The following CD74 variants were observed in gnomAD, a reference collection of about 807,000 sequenced individuals.
CD74 encodes HLA class II histocompatibility antigen gamma chain.
Under a neutral mutation model 37.1 loss-of-function variants are expected in CD74, and 20 were observed. That is an observed-to-expected ratio of 0.54 (90% CI 0.38 to 0.78). The LOEUF (loss-of-function observed/expected upper bound fraction) is 0.78, where lower values mean the gene tolerates loss of function less well. CD74 is among the 30% of genes least tolerant of loss of function. CD74 has a pLI of 0.00. For synonymous variants in CD74, 150 were observed against 152.0 expected (o/e 0.99, Z 0.10); for missense variants, 338 against 389.5 (o/e 0.87, Z 1.11).
At chr5:150,406,361 CTGGAGCAGGGGGTA>C (rs1561552819) in intron 3 of CD74, 40 bp from the exon 4 acceptor site, 1 of 1,539,356 alleles carries the variant, frequency 6.5e-7, no homozygotes, top group African/African-American at 1.4e-5. Flanking sequence ...GAGCTGGTCC[CTGGAGCAGGGGGTA>C]TGGAGCAGGA....
rs1377931685 is a variant in CD74, at chr5:150,406,301, C to T, written c.399G>A (p.Lys133=). Residue 133 remains lysine, a synonymous_variant, in exon 4 of 9, where the codon AAG becomes AAA. Coordinates refer to ENST00000009530, the MANE Select transcript of CD74 (RefSeq NM_001025159.3). ...LPQGPMQNAT[K]YGNMTEDHVM... is the part of the protein sequence containing the mutation. ...CATGGTCCTCTGTCATGTTGCCATA[C>T]TTGGTGGCATTCTGCATGGGCTGTG... 4 of 1,613,692 alleles carry T rather than the reference C, an allele frequency of 2.5e-6. No individual in the cohort carries two copies. The highest frequency in any genetic ancestry group is 1.7e-5 in the Admixed American group (1 of 59,992).
chr5:150,412,501 T>C, intron 1 of CD74, 124 bp downstream of exon 1: 1 of 736,664 alleles, frequency 1.4e-6, no homozygotes. Context: ...ACCCAAAAAG[T>C]CAATGTTAGA....
At position 150,405,077 on chromosome 5, in the gene CD74, C is replaced by G. The variant is rs1232751295; in HGVS notation, c.537+8G>C. The G allele has an allele frequency of 6.2e-7, 1 of 1,612,096 alleles. No individual in the cohort carries two copies. The highest frequency in any genetic ancestry group is 1.1e-5 in the South Asian group (1 of 90,964). ...AGAGAGAGTTCCCATGCAGGGAAACCTGCTGACCTTCCAGTCTATGGTCTC... is the reference window on the plus strand; with the variant it reads ...AGAGAGAGTTCCCATGCAGGGAAACGTGCTGACCTTCCAGTCTATGGTCTC... On this transcript the variant is annotated splice_region_variant and intron_variant, in intron 5 of 8. Transcript: ENST00000009530.
At chr5:150,406,453 A>G in intron 3 of CD74, 132 bp from the exon 4 acceptor site, 1 of 726,788 alleles carries the variant, frequency 1.4e-6, no homozygotes, top group Non-Finnish European at 2.5e-6. Flanking sequence ...CATCTCTGCC[A>G]CCTCCAAACA....
Position 150,402,721 on chromosome 5 carries a change from G to A in CD74, c.818-96C>T. On this transcript the variant is annotated intron_variant, in intron 7 of 8. Coordinates refer to ENST00000009530, the MANE Select transcript of CD74 (RefSeq NM_001025159.3). The surrounding 1 kb of genome is among the most constrained non-coding windows in gnomAD (Gnocchi z 4.2). ...TGCTTCCCACCTAGCCACAGGCTTA[G>A]TGCCTGGGAAAGCAGGTACCCAGGG... 9.4e-7 allele frequency: 1 copy of A among 1,066,044 alleles called. No homozygotes were observed. The highest frequency in any genetic ancestry group is 1.5e-5 in the South Asian group (1 of 66,622). The allele number at this position is 1,066,044 out of a possible 1,614,324, so 66.0% of individuals were successfully genotyped here.
chr5:150,405,348 G>C, intron 4 of CD74, 168 bp from the exon 5 acceptor site: 2 of 1,341,582 alleles, frequency 1.5e-6, no homozygotes, highest in Admixed American at 7.4e-5. Flanking sequence ...GGAGGGTACG[G>C]GTAAGGGTAG....
In CD74 at chr5:150,403,411, T is replaced by C. The variant is rs1769761728; in HGVS notation, c.626-99A>G. On this transcript the variant is annotated intron_variant, in intron 6 of 8. Coordinates refer to ENST00000009530, the MANE Select transcript of CD74 (RefSeq NM_001025159.3). This position sits in a 1 kb window ranked among gnomAD's most constrained non-coding sequence, Gnocchi z 4.5. The stretch of plus-strand genomic sequence containing the variant: ...CCACACACCACTGCTGTGGGCTTAA[T>C]GCCTTCTTCCCAAGTGGCTTTACTC... 9.3e-7 allele frequency: 1 copy of C among 1,072,806 alleles called. No homozygotes were observed. Among genetic ancestry groups the C allele is most frequent in the Non-Finnish European group, 1.4e-6 (1 of 706,406 alleles). 66.5% of individuals were successfully genotyped at this position (1,072,806 alleles called of 1,614,324 possible). A position where few individuals can be genotyped will look rare whatever the true frequency, so the allele number is the denominator to read the frequency against.
At chr5:150,409,816 C>T (rs1242589530) in intron 1 of CD74, among the ~76,000 whole-genome samples, 2 of 149,430 alleles carry the variant, frequency 1.3e-5, no homozygotes, top group Non-Finnish European at 3.0e-5. Flanking sequence ...CTGTGGTATT[C>T]TGTTAAAGCG....
intron 4 of CD74, 40 bp from the exon 5 acceptor site, chr5:150,405,220 C>T (rs1411130676): frequency 1.3e-6 from 2 of 1,548,048 alleles, no homozygotes; most frequent in African/African-American, 2.8e-5. Flanking sequence ...TCAAGAAGAG[C>T]TCCCTGGCAG....
intron 1 of CD74, among the ~76,000 whole-genome samples, chr5:150,408,792 G>A (rs1367076562): frequency 6.6e-6 from 1 of 152,234 alleles, no homozygotes; most frequent in African/African-American, 2.4e-5. Flanking sequence ...CCAATGTGAA[G>A]GTGTTGGGAG....
chr5:150,406,880 C>T lies in CD74; in HGVS notation c.378+1G>A. 1 of 1,494,448 alleles carries T rather than the reference C, an allele frequency of 6.7e-7. No homozygotes were observed. The highest frequency in any genetic ancestry group is 8.9e-7 in the Non-Finnish European group (1 of 1,123,824). The allele number at this position is 1,494,448 out of a possible 1,614,324, so 92.6% of individuals were successfully genotyped here. ...TCCCACCACCCTGGGGCTGTCCTTACCCCCTGGGGCAGGGCTCCCATGGGC... is the reference window on the plus strand; with the variant it reads ...TCCCACCACCCTGGGGCTGTCCTTATCCCCTGGGGCAGGGCTCCCATGGGC... On this transcript the variant is annotated splice_donor_variant, in intron 3 of 8. Coordinates refer to ENST00000009530, the MANE Select transcript of CD74 (RefSeq NM_001025159.3). LOFTEE classifies it high-confidence loss of function.
In CD74 at chr5:150,407,026, T is replaced by C; in HGVS notation, c.299-66A>G. On this transcript the variant is annotated intron_variant, in intron 2 of 8. Coordinates refer to ENST00000009530, the MANE Select transcript of CD74 (RefSeq NM_001025159.3). The surrounding 1 kb of genome is among the most constrained non-coding windows in gnomAD (Gnocchi z 4.4). ...CAGGGAGGAGGGTATCAGACCCAGATGAGGAAGGGCTGGAATTCCAAACCG... is the reference window on the plus strand; with the variant it reads ...CAGGGAGGAGGGTATCAGACCCAGACGAGGAAGGGCTGGAATTCCAAACCG... 1 of 1,525,000 alleles carries C rather than the reference T, an allele frequency of 6.6e-7. No individual in the cohort carries two copies. The highest frequency in any genetic ancestry group is 9.0e-7 in the Non-Finnish European group (1 of 1,114,832). The allele number at this position is 1,525,000 out of a possible 1,614,324, so 94.5% of individuals were successfully genotyped here. A position where few individuals can be genotyped will look rare whatever the true frequency, so the allele number is the denominator to read the frequency against.
Position 150,403,477 on chromosome 5 carries a change from C to A in CD74, c.626-165G>T, listed in dbSNP as rs536637011. On this transcript the variant is annotated intron_variant, in intron 6 of 8. Transcript: ENST00000009530. The surrounding 1 kb of genome is among the most constrained non-coding windows in gnomAD (Gnocchi z 4.5). ...CGGATGGGAAAACTGAGGCCTAGACCAACAAGGTCTGAGATCAAAAAGGAA... is the reference window on the plus strand; with the variant it reads ...CGGATGGGAAAACTGAGGCCTAGACAAACAAGGTCTGAGATCAAAAAGGAA... Among the ~76,000 whole-genome samples, 2 of 152,326 alleles carry A rather than the reference C, an allele frequency of 1.3e-5. No individual in the cohort carries two copies. Among genetic ancestry groups the A allele is most frequent in the African/African-American group, 2.4e-5 (1 of 41,568 alleles).
At chr5:150,406,791 T>C (rs1020070891) in intron 3 of CD74, 90 bp downstream of exon 3, 9 of 840,252 alleles carry the variant, frequency 1.1e-5, no homozygotes, top group Non-Finnish European at 1.6e-5. Context: ...CCTCCCCAGG[T>C]GGGCTCTCTT....
At position 150,401,689 on chromosome 5, in the gene CD74, TA is replaced by T. The variant is rs1769615708; in HGVS notation, c.*550del. On this transcript the variant is annotated 3_prime_UTR_variant, in exon 9 of 9. Transcript: ENST00000009530. ...TGTGAACCATGGCCCTGAAAGCTGATAACAAGCTTGGCTGAGCAGAGGGAAC... is the reference window on the plus strand; with the variant it reads ...TGTGAACCATGGCCCTGAAAGCTGATACAAGCTTGGCTGAGCAGAGGGAAC... 3 of 546,646 alleles carry T rather than the reference TA, an allele frequency of 5.5e-6. No homozygotes were observed. In the African/African-American group the frequency reaches 5.7e-5, roughly 10 times the overall value. The allele number at this position is 546,646 out of a possible 1,614,324, so 33.9% of individuals were successfully genotyped here.
intron 1 of CD74, among the ~76,000 whole-genome samples, chr5:150,409,083 C>A (rs1001160146): frequency 2.4e-4 from 37 of 152,020 alleles, no homozygotes; most frequent in African/African-American, 8.5e-4. Flanking sequence ...CTTAGCCAGG[C>A]ATGGTGGCGT....
chr5:150,407,060 G>A lies in CD74; in HGVS notation c.298+92C>T, dbSNP rs1033282034. On this transcript the variant is annotated intron_variant, in intron 2 of 8. Coordinates refer to ENST00000009530, the MANE Select transcript of CD74 (RefSeq NM_001025159.3). This position sits in a 1 kb window ranked among gnomAD's most constrained non-coding sequence, Gnocchi z 4.4. ...GCTGGAATTCCAAACCGGAGGGAGA[G>A]GACAGTGGGCCCAGCTGGGTGCAGG... 1.9e-6 allele frequency: 3 copies of A among 1,549,346 alleles called. No homozygotes were observed. Among genetic ancestry groups the A allele is most frequent in the South Asian group, 1.1e-5 (1 of 87,166 alleles).
chr5:150,408,753 G>A (rs185554642), intron 1 of CD74, among the ~76,000 whole-genome samples: 6 of 152,290 alleles, frequency 3.9e-5, no homozygotes, highest in Non-Finnish European at 8.8e-5. Flanking sequence ...CCCAGGGGTG[G>A]GACTACTAAG....
rs370024998 is a variant in CD74, at chr5:150,404,775, G to C, written c.538-8C>G. 6.5e-7 allele frequency: 1 copy of C among 1,547,258 alleles called. No homozygotes were observed. The highest frequency in any genetic ancestry group is 8.8e-7 in the Non-Finnish European group (1 of 1,137,976). Reference sequence around the variant, plus strand: ...CATCCAGCTCTCAAAGACCTAATACGGATAGAGGTGGAGGTCAGGTTCGAT... The same window carrying C: ...CATCCAGCTCTCAAAGACCTAATACCGATAGAGGTGGAGGTCAGGTTCGAT... On this transcript the variant is annotated splice_polypyrimidine_tract_variant and splice_region_variant and intron_variant, in intron 5 of 8. Coordinates refer to ENST00000009530, the MANE Select transcript of CD74 (RefSeq NM_001025159.3).
Sources: gnomAD v4.1 joint callset for allele counts (sites outside exome capture counted in the v4.1 genomes callset) on GRCh38, gnomAD v4.1.1 for gene constraint, Gnocchi (gnomAD v3.1) non-coding constraint, MANE v1.5 for transcripts, NCBI Gene and HGNC (gene_info 2026-07-23, HGNC 2026-07-21) for gene names.